The following ENTPD6 variants were observed in gnomAD, a reference collection of about 807,000 sequenced individuals.
The protein encoded by ENTPD6 is CD39 antigen-like 2.
ENTPD6 carries 46 observed loss-of-function variants against 61.5 expected under a neutral mutation model. The ratio of observed to expected loss-of-function variants is 0.75; its 90% CI spans 0.59 to 0.96. ENTPD6 has a LOEUF of 0.96. ENTPD6 is among the 40% of genes least tolerant of loss of function. The pLI is 0.00. For synonymous variants in ENTPD6, 252 were observed against 255.5 expected (o/e 0.99, Z 0.13); for missense variants, 612 against 629.0 (o/e 0.97, Z 0.29).
Position 25,216,488 on chromosome 20 carries a change from C to A in ENTPD6, c.710-160C>A, listed in dbSNP as rs1254452006. On this transcript the variant is annotated intron_variant, in intron 7 of 14. Coordinates refer to ENST00000376652, the MANE Select transcript of ENTPD6 (RefSeq NM_001247.5). ...CAGCTGGTGGAGCCATTACTCTTGT[C>A]CCTTAGATATATAGTGTACCCTTAA... 3.3e-5 allele frequency among the ~76,000 whole-genome samples: 5 copies of A among 152,284 alleles called. No individual in the cohort carries two copies. The East Asian group carries it at 9.6e-4, about 29-fold the overall frequency.
In ENTPD6 at chr20:25,209,202, C is replaced by CG. The variant is rs1568617797; in HGVS notation, c.377-644dup. Among the ~76,000 whole-genome samples the CG allele has an allele frequency of 5.9e-5, 9 of 151,270 alleles. No individual in the cohort carries two copies. In the South Asian group the frequency reaches 1.9e-3, roughly 32 times the overall value. On this transcript the variant is annotated intron_variant, in intron 3 of 14. Transcript: ENST00000376652. ...TCCGCTCACTGCAAGCTCCGCCCCC[C>CG]GGGTTCATGCCATTCTCCTGCCTCA... is the stretch of plus-strand genomic sequence containing the variant.
chr20:25,195,882 G>T lies in ENTPD6; in HGVS notation c.-16+15G>T. On this transcript the variant is annotated intron_variant, in intron 1 of 14. Transcript: ENST00000376652. The stretch of plus-strand genomic sequence containing the variant: ...CGCGGTGCATGGTAAGCGGCGGGCC[G>T]GGGCGCTGGCGGGGGCGGCCGGGGA... The T allele has an allele frequency of 8.1e-7, 1 of 1,234,216 alleles. No homozygotes were observed. 76.5% of individuals were successfully genotyped at this position (1,234,216 alleles called of 1,614,324 possible). A position where few individuals can be genotyped will look rare whatever the true frequency, so the allele number is the denominator to read the frequency against.
At chr20:25,209,008 C>G (rs971822847) in intron 3 of ENTPD6, among the ~76,000 whole-genome samples, 5 of 152,162 alleles carry the variant, frequency 3.3e-5, no homozygotes, top group Middle Eastern at 3.4e-3. Flanking sequence ...CCTCCGCCTC[C>G]TGGGTTCAAG....
chr20:25,207,347 G>A lies in ENTPD6; in HGVS notation c.326G>A (p.Gly109Glu). Residue 109 changes from glycine (G) to glutamate (E), a missense_variant, in exon 3 of 15, where the codon GGA (glycine) becomes GAA (glutamate). Physicochemically the swap from Gly to Glu is moderately conservative, Grantham distance 98. Coordinates refer to ENST00000376652, the MANE Select transcript of ENTPD6 (RefSeq NM_001247.5). Reference protein sequence around the residue: ...EVFYGIMFDAGSTGTRVHVFQ... With the variant: ...EVFYGIMFDAESTGTRVHVFQ... Reference sequence around the variant, plus strand: ...TTCTACGGGATCATGTTTGATGCAGGAAGCACTGGCACCCGAGTACACGTC... The same window carrying A: ...TTCTACGGGATCATGTTTGATGCAGAAAGCACTGGCACCCGAGTACACGTC... The A allele has an allele frequency of 7.0e-6, 11 of 1,570,298 alleles. No homozygotes were observed. The highest frequency in any genetic ancestry group is 9.5e-6 in the Non-Finnish European group (11 of 1,152,262).
At chr20:25,217,606 G>T (rs1166457623) in intron 9 of ENTPD6, 25 bp downstream of exon 9, 4 of 1,608,872 alleles carry the variant, frequency 2.5e-6, no homozygotes, top group African/African-American at 1.3e-5. Flanking sequence ...ACAGGCGTGG[G>T]GAGGCGCCAT....
At chr20:25,205,895 C>T (rs954016874) in intron 1 of ENTPD6, among the ~76,000 whole-genome samples, 2 of 152,236 alleles carry the variant, frequency 1.3e-5, no homozygotes, top group Non-Finnish European at 2.9e-5. Flanking sequence ...CCTGTCCTTC[C>T]GTTCTGCTGT....
At chr20:25,203,651 A>T (rs2091224322) in intron 1 of ENTPD6, among the ~76,000 whole-genome samples, 1 of 151,628 alleles carries the variant, frequency 6.6e-6, no homozygotes, top group Non-Finnish European at 1.5e-5. Context: ...ATTTCTTTTC[A>T]TTCTTTATCT....
chr20:25,207,957 G>C (rs774581664), intron 3 of ENTPD6, among the ~76,000 whole-genome samples: 3 of 152,150 alleles, frequency 2.0e-5, no homozygotes, highest in Non-Finnish European at 4.4e-5. Flanking sequence ...GGTCCCCCTC[G>C]CCACCCGGTT....
intron 10 of ENTPD6, among the ~76,000 whole-genome samples, chr20:25,219,775 C>T (rs1600657603): frequency 6.6e-6 from 1 of 152,170 alleles, no homozygotes; most frequent in Non-Finnish European, 1.5e-5. Flanking sequence ...CCACTTCTTC[C>T]GAGGGCCTGG....
At chr20:25,219,334 T>TG (rs2123213883) in intron 10 of ENTPD6, among the ~76,000 whole-genome samples, 1 of 152,308 alleles carries the variant, frequency 6.6e-6, no homozygotes, top group African/African-American at 2.4e-5. Flanking sequence ...AGGAGGGCTG[T>TG]GGGGGGTGCT....
chr20:25,213,176 CA>C lies in ENTPD6; in HGVS notation c.454-80del. 16 of 1,553,686 alleles carry C rather than the reference CA, an allele frequency of 1.0e-5. 1 individual carries two copies. Among genetic ancestry groups the C allele is most frequent in the South Asian group, 3.4e-5 (3 of 89,138 alleles). On this transcript the variant is annotated intron_variant, in intron 4 of 14. Transcript: ENST00000376652. Reference sequence around the variant, plus strand: ...ACAGTGAGACTCTGTCTCCAGAAACCAAAAAAACCCAAAAGGGTGGAAGCAG... The same window carrying C: ...ACAGTGAGACTCTGTCTCCAGAAACCAAAAAACCCAAAAGGGTGGAAGCAG...
At chr20:25,207,716 G>A (rs573357039) in intron 3 of ENTPD6, among the ~76,000 whole-genome samples, 1 of 152,332 alleles carries the variant, frequency 6.6e-6, no homozygotes, top group African/African-American at 2.4e-5. Context: ...GCTTTGTGGG[G>A]AGTTCAGGCA....
At chr20:25,214,436 T>A (rs1031610344) in intron 5 of ENTPD6, among the ~76,000 whole-genome samples, 1 of 152,214 alleles carries the variant, frequency 6.6e-6, no homozygotes, top group East Asian at 1.9e-4. Context: ...AGCAGGGCAG[T>A]GTTTGGAGCC....
At chr20:25,225,020 G>C (rs574359992) in intron 13 of ENTPD6, 185 bp from the exon 14 acceptor site, 1 of 845,066 alleles carries the variant, frequency 1.2e-6, no homozygotes, top group Non-Finnish European at 1.8e-6. Context: ...AGTGGCAGCC[G>C]GGGTTGCCGC....
chr20:25,212,594 C>T (rs1447088834), intron 4 of ENTPD6, among the ~76,000 whole-genome samples: 3 of 152,228 alleles, frequency 2.0e-5, no homozygotes, highest in Admixed American at 2.0e-4. Flanking sequence ...GTGGCTGACA[C>T]CTCTAATCAT....
chr20:25,219,276 G>A (rs1012845000), intron 10 of ENTPD6, among the ~76,000 whole-genome samples: 2 of 152,222 alleles, frequency 1.3e-5, no homozygotes, highest in Admixed American at 6.5e-5. Context: ...CCCCTACATT[G>A]GGAGCTGGCT....
In ENTPD6 at chr20:25,222,855, CTGTG is replaced by C. The variant is rs2092684699; in HGVS notation, c.1066_1069del (p.Cys356LeufsTer18). On this transcript the variant is annotated frameshift_variant, in exon 12 of 15. Coordinates refer to ENST00000376652, the MANE Select transcript of ENTPD6 (RefSeq NM_001247.5). LOFTEE classifies it high-confidence loss of function. ...GTCCCCAGCGGCAAGCCTGCACGAG[CTGTG>C]TGCTGCCAGAGTGTCAGAGGTCCTT... 6.2e-7 allele frequency: 1 copy of C among 1,613,884 alleles called. No individual in the cohort carries two copies. Among genetic ancestry groups the C allele is most frequent in the Non-Finnish European group, 8.5e-7 (1 of 1,180,012 alleles).
intron 9 of ENTPD6, among the ~76,000 whole-genome samples, chr20:25,217,865 G>T (rs112157724): frequency 3.9e-5 from 5 of 127,918 alleles, no homozygotes; most frequent in Non-Finnish European, 7.8e-5. Context: ...TATAGTATAC[G>T]CACATTAACC....
intron 5 of ENTPD6, among the ~76,000 whole-genome samples, chr20:25,213,744 G>C (rs868283870): frequency 6.6e-6 from 1 of 152,218 alleles, no homozygotes; most frequent in Non-Finnish European, 1.5e-5. Flanking sequence ...GAGCCCAGGA[G>C]TTCAAGGCCA....
Sources: allele counts gnomAD v4.1 joint callset (sites outside exome capture counted in the v4.1 genomes callset), GRCh38; gene constraint gnomAD v4.1.1; transcripts MANE v1.5; gene names NCBI Gene and HGNC (gene_info 2026-07-23, HGNC 2026-07-21).